The following PDXDC1 variants were observed in gnomAD, a reference collection of about 807,000 sequenced individuals.
PDXDC1 encodes pyridoxal-dependent decarboxylase domain-containing protein 1.
Under a neutral mutation model 100.1 loss-of-function variants are expected in PDXDC1, and 42 were observed. That is an observed-to-expected ratio of 0.42 (90% CI 0.33 to 0.54). PDXDC1 has a LOEUF of 0.54. Among genes scored for constraint, PDXDC1 ranks in the 20% least tolerant of loss-of-function variants. PDXDC1 has a pLI of 0.10. For synonymous variants in PDXDC1, 260 were observed against 371.7 expected (o/e 0.70, Z 3.46); for missense variants, 636 against 979.2 (o/e 0.65, Z 4.68).
chr16:15,132,508 A>G (rs2048153883), intron 16 of PDXDC1, among the ~76,000 whole-genome samples: 1 of 150,146 alleles, frequency 6.7e-6, no homozygotes, highest in Non-Finnish European at 1.5e-5. Flanking sequence ...CCCTCTTTAC[A>G]CCCTGGGTCC....
At chr16:15,123,586 T>C in intron 16 of PDXDC1, 1 of 673,332 alleles carries the variant, frequency 1.5e-6, no homozygotes, top group South Asian at 1.6e-5. Flanking sequence ...CAGGAACAAA[T>C]GTACATACAT....
chr16:14,981,146 A>G (rs1967884870), intron 1 of PDXDC1, among the ~76,000 whole-genome samples: 1 of 152,308 alleles, frequency 6.6e-6, no homozygotes, highest in South Asian at 2.1e-4. Context: ...TTTAGGCAGA[A>G]TATTTAGCTC....
chr16:15,047,552 T>C (rs2044125664), intron 16 of PDXDC1: 2 of 1,606,998 alleles, frequency 1.2e-6, no homozygotes, highest in African/African-American at 1.3e-5. Flanking sequence ...CCCCATTACC[T>C]GAAGAACAAG....
At chr16:15,140,759 G>C (rs537850776), downstream of PDXDC1, among the ~76,000 whole-genome samples, 3 of 152,038 alleles carry the variant, frequency 2.0e-5, no homozygotes, top group Non-Finnish European at 2.9e-5. Flanking sequence ...CAAGCACCTC[G>C]GGGGTCACCC....
chr16:15,141,085 G>GTCCCTGCCACCCTCCA (rs1357023184), downstream of PDXDC1, among the ~76,000 whole-genome samples: 1,833 of 146,690 alleles, frequency 0.012, 68 homozygotes, highest in Admixed American at 0.079. Context: ...GCCCCTGCCA[G>GTCCCTGCCACCCTCCA]TCCCTGCCAC....
intron 16 of PDXDC1, among the ~76,000 whole-genome samples, chr16:15,101,926 G>A (rs1424819451): frequency 4.0e-5 from 6 of 151,840 alleles, no homozygotes; most frequent in African/African-American, 1.2e-4. Flanking sequence ...TTGGCTCACC[G>A]CAACCTCCAC....
At chr16:15,019,019 G>A in intron 12 of PDXDC1, 54 bp downstream of exon 12, 1 of 1,596,366 alleles carries the variant, frequency 6.3e-7, no homozygotes, top group Non-Finnish European at 8.6e-7. Context: ...AGCAGAGACA[G>A]AAAAACATCT....
intron 16 of PDXDC1, chr16:15,127,716 C>A (rs576639761): frequency 8.7e-6 from 13 of 1,502,342 alleles, no homozygotes; most frequent in Non-Finnish European, 1.1e-5. Context: ...CAGCCCCGTA[C>A]CACACGGCGT....
intron 16 of PDXDC1, among the ~76,000 whole-genome samples, chr16:15,112,157 T>G (rs1286977284): frequency 6.7e-6 from 1 of 148,668 alleles, no homozygotes; most frequent in Non-Finnish European, 1.5e-5. Flanking sequence ...TCATCATAGC[T>G]AAAATGCAAA....
At chr16:15,082,201 T>C (rs1422218989) in intron 16 of PDXDC1, among the ~76,000 whole-genome samples, 1 of 152,200 alleles carries the variant, frequency 6.6e-6, no homozygotes, top group East Asian at 1.9e-4. Context: ...CCAATGAATA[T>C]GATGTTAGCT....
intron 16 of PDXDC1, among the ~76,000 whole-genome samples, chr16:15,099,146 G>C (rs2046455798): frequency 6.6e-6 from 1 of 151,982 alleles, no homozygotes; most frequent in South Asian, 2.1e-4. Flanking sequence ...ATACTGGCCG[G>C]GCCCTGTGGC....
At chr16:15,070,679 G>A (rs531123358) in intron 16 of PDXDC1, among the ~76,000 whole-genome samples, 1 of 152,148 alleles carries the variant, frequency 6.6e-6, no homozygotes, top group Admixed American at 6.6e-5. Context: ...GTTGGGGAAG[G>A]GTTTCAACAG....
rs1202598684 is a variant in PDXDC1 at position 15,074,155 on chromosome 16, G to A, written c.1399+44099G>A. On this transcript the variant is annotated intron_variant, in intron 16 of 16. Transcript: ENST00000535621. Reference sequence around the variant, plus strand: ...AGTTTCCAAATTCTCTAATCAACATGTATTATTTTTATAACAGCAAGACCG... The same window carrying A: ...AGTTTCCAAATTCTCTAATCAACATATATTATTTTTATAACAGCAAGACCG... Among the ~76,000 whole-genome samples, 3 of 152,140 alleles carry A rather than the reference G, an allele frequency of 2.0e-5. No individual in the cohort carries two copies. In the South Asian group the frequency reaches 6.2e-4, roughly 32 times the overall value.
At chr16:15,094,434 G>GC in intron 16 of PDXDC1, 2 of 608,670 alleles carry the variant, frequency 3.3e-6, no homozygotes, top group Non-Finnish European at 5.8e-6. Flanking sequence ...GTTCCAGCCA[G>GC]CGCTAGTGCG....
At chr16:15,022,812 T>C in intron 13 of PDXDC1, 58 bp downstream of exon 13, 4 of 1,310,378 alleles carry the variant, frequency 3.1e-6, no homozygotes, top group Non-Finnish European at 4.3e-6. Context: ...CCTCAGCAAC[T>C]TTGAATGATT....
At chr16:15,080,195 T>C (rs1295633483) in intron 16 of PDXDC1, 10 of 1,433,848 alleles carry the variant, frequency 7.0e-6, no homozygotes, top group Middle Eastern at 2.6e-4. Flanking sequence ...GTTTCAAATA[T>C]TTAAAAAGAA....
At chr16:15,092,723 T>C (rs1319505960) in intron 16 of PDXDC1, 19 of 717,708 alleles carry the variant, frequency 2.6e-5, no homozygotes, top group Non-Finnish European at 4.6e-5. Flanking sequence ...TTAAGGCCTC[T>C]TTACTGGTCT....
rs778154313 is a variant in PDXDC1, at chr16:15,068,198, T to G, written c.1399+38142T>G. 23 of 1,597,174 alleles carry G rather than the reference T, an allele frequency of 1.4e-5. No homozygotes were observed. In the South Asian group the frequency reaches 2.6e-4, roughly 18 times the overall value. On this transcript the variant is annotated intron_variant, in intron 16 of 16. Transcript: ENST00000535621. ...TGATTGCAGCAAAAAAGTTAACCAC[T>G]GAGGGCAGGCAAATCTTCAGGGGAT... is the stretch of plus-strand genomic sequence containing the variant.
chr16:15,014,987 G>A (rs1385254164), intron 8 of PDXDC1, among the ~76,000 whole-genome samples: 1 of 152,274 alleles, frequency 6.6e-6, no homozygotes. Flanking sequence ...GCCCAGGCTG[G>A]AGTGCAGTGG....
Sources: gnomAD v4.1 joint callset for allele counts (sites outside exome capture counted in the v4.1 genomes callset) on GRCh38, gnomAD v4.1.1 for gene constraint, MANE v1.5 for transcripts, NCBI Gene and HGNC (gene_info 2026-07-23, HGNC 2026-07-21) for gene names.